ANXA6: variants seen among roughly 807,000 people sequenced by gnomAD.
ANXA6 encodes annexin A6.
In ANXA6, 71 loss-of-function variants were observed where a neutral mutation model predicts 95.4. That is an observed-to-expected ratio of 0.74 (90% confidence interval 0.61 to 0.91). ANXA6 has a LOEUF of 0.91. Ranked by LOEUF, ANXA6 falls within the 40% of genes least tolerant of loss-of-function variation. ANXA6 has a pLI of 0.00. For missense variants in ANXA6, 830 were observed against 876.4 expected (o/e 0.95, Z 0.67); for synonymous variants, 289 against 315.9 (o/e 0.91, Z 0.90).
At chr5:151,105,217 G>C in intron 24 of ANXA6, 28 bp downstream of exon 24, 1 of 1,606,896 alleles carries the variant, frequency 6.2e-7, no homozygotes, top group Non-Finnish European at 8.5e-7. Flanking sequence ...GTGCTTGAAG[G>C]GAAAGGAACG....
At chr5:151,128,531 T>C (rs1765396506) in intron 12 of ANXA6, among the ~76,000 whole-genome samples, 1 of 152,184 alleles carries the variant, frequency 6.6e-6, no homozygotes, top group African/African-American at 2.4e-5. Context: ...TGAGAAGAGA[T>C]GCTCGCTGCC....
Position 151,103,569 on chromosome 5 carries a change from C to CCT in ANXA6, c.1961_1962dup (p.Gly655ArgfsTer9), listed in dbSNP as rs772069737. ...TGCTAACCTCTAGCCCCTCCCCTTA[C>CCT]CTCAATGGCTTGGTGGAGAGACTTG... On this transcript the variant is annotated frameshift_variant and splice_region_variant. Transcript: ENST00000354546. LOFTEE classifies it high-confidence loss of function. The CCT allele has an allele frequency of 6.2e-7, 1 of 1,612,476 alleles. No individual in the cohort carries two copies. Among genetic ancestry groups the CCT allele is most frequent in the Admixed American group, 1.7e-5 (1 of 59,838 alleles).
At chr5:151,129,069 C>A (rs532233396) in intron 12 of ANXA6, among the ~76,000 whole-genome samples, 5 of 152,356 alleles carry the variant, frequency 3.3e-5, no homozygotes, top group African/African-American at 1.2e-4. Flanking sequence ...CCCCTTTAAC[C>A]CTCATTTGTG....
At chr5:151,144,990 G>A (rs151079797) in intron 2 of ANXA6, among the ~76,000 whole-genome samples, 29 of 152,192 alleles carry the variant, frequency 1.9e-4, no homozygotes, top group African/African-American at 6.0e-4. Context: ...ATCTCTAAGC[G>A]CCACCTGTGC....
intron 1 of ANXA6, 100 bp from the exon 2 acceptor site, chr5:151,148,026 A>G: frequency 8.2e-7 from 1 of 1,225,434 alleles, no homozygotes; most frequent in East Asian, 2.6e-5. Context: ...AGCTGCCCCC[A>G]GCCCTTCAGG....
intron 13 of ANXA6, among the ~76,000 whole-genome samples, chr5:151,127,685 C>G (rs1276179828): frequency 6.6e-6 from 1 of 152,200 alleles, no homozygotes; most frequent in East Asian, 1.9e-4. Context: ...CCAGTTCTCC[C>G]CAGCACAGGA....
At chr5:151,146,050 T>G (rs1765967741) in intron 2 of ANXA6, among the ~76,000 whole-genome samples, 1 of 151,738 alleles carries the variant, frequency 6.6e-6, no homozygotes, top group South Asian at 2.1e-4. Flanking sequence ...AGGAGGAGGG[T>G]TCCCTAAGGC....
chr5:151,136,804 A>AG (rs1765676047), intron 6 of ANXA6, among the ~76,000 whole-genome samples: 1 of 152,152 alleles, frequency 6.6e-6, no homozygotes, highest in African/African-American at 2.4e-5. Context: ...TTTCTATTTC[A>AG]GGGCCTTTGC....
At chr5:151,110,785 C>G (rs1193358032) in intron 20 of ANXA6, 141 bp from the exon 21 acceptor site, 3 of 824,618 alleles carry the variant, frequency 3.6e-6, no homozygotes, top group East Asian at 2.7e-5. Flanking sequence ...CCTGAGAGAA[C>G]CCGGGATGCG....
intron 22 of ANXA6, among the ~76,000 whole-genome samples, 186 bp downstream of exon 22, chr5:151,109,567 G>A (rs1581978822): frequency 6.6e-6 from 1 of 152,186 alleles, no homozygotes; most frequent in South Asian, 2.1e-4. Flanking sequence ...AGAAGGTGAG[G>A]TATAAGTGGT....
At chr5:151,113,607 TTCAAAGCATCTTTAAGATAATA>T (rs1764914603) in intron 20 of ANXA6, among the ~76,000 whole-genome samples, 1 of 152,158 alleles carries the variant, frequency 6.6e-6, no homozygotes, top group African/African-American at 2.4e-5. Flanking sequence ...TACTCGGTTT[TTCAAAGCATCTTTAAGATAATA>T]ATATCTGTAA....
intron 13 of ANXA6, 57 bp downstream of exon 13, chr5:151,128,124 T>A (rs1765380536): frequency 6.9e-7 from 1 of 1,456,108 alleles, no homozygotes; most frequent in African/African-American, 1.4e-5. Flanking sequence ...GCCAGGAGAG[T>A]CCCCGCCTGG....
intron 13 of ANXA6, among the ~76,000 whole-genome samples, chr5:151,126,873 C>T (rs985291114): frequency 3.9e-5 from 6 of 152,188 alleles, no homozygotes; most frequent in African/African-American, 9.7e-5. Flanking sequence ...CCCGCCATCA[C>T]GCCTGGCTAA....
chr5:151,136,716 C>A (rs1765673918), intron 6 of ANXA6, among the ~76,000 whole-genome samples: 1 of 152,218 alleles, frequency 6.6e-6, no homozygotes, highest in Non-Finnish European at 1.5e-5. Context: ...AAAACACCAT[C>A]TCTCTCTTGG....
chr5:151,119,311 G>A lies in ANXA6; in HGVS notation c.1427C>T (p.Ala476Val). 1 of 1,613,148 alleles carries A rather than the reference G, an allele frequency of 6.2e-7. No individual in the cohort carries two copies. Among genetic ancestry groups the A allele is most frequent in the Non-Finnish European group, 8.5e-7 (1 of 1,179,802 alleles). Reference protein sequence around the residue: ...TNAEIRAINEAYKEDYHKSLE... With the variant: ...TNAEIRAINEVYKEDYHKSLE... ...CCTCCCAAACTCACCCTCCTTATAG[G>A]CCTCATTGATGGCCCGGATTTCAGC... The change falls in exon 18 of 26, where the codon GCC becomes GTC. Residue 476 changes from alanine (A) to valine (V), a missense_variant. Ala to Val is a moderately conservative substitution (Grantham distance 64). Coordinates refer to ENST00000354546, the MANE Select transcript of ANXA6 (RefSeq NM_001155.5).
intron 6 of ANXA6, 109 bp downstream of exon 6, chr5:151,137,122 G>C (rs1765685221): frequency 6.5e-6 from 6 of 921,916 alleles, no homozygotes; most frequent in African/African-American, 1.7e-5. Context: ...AAATGGATCA[G>C]AGGAAAGGAG....
intron 8 of ANXA6, among the ~76,000 whole-genome samples, chr5:151,133,827 T>C (rs1765584791): frequency 6.6e-6 from 1 of 152,158 alleles, no homozygotes. Context: ...CAGTTCTATT[T>C]CCCTCCTTTC....
chr5:151,105,957 C>A (rs1266872168), intron 23 of ANXA6, among the ~76,000 whole-genome samples: 1 of 152,180 alleles, frequency 6.6e-6, no homozygotes, highest in Non-Finnish European at 1.5e-5. Flanking sequence ...AACCTAACAG[C>A]ACTGAAAGCC....
rs531316734 is a variant in ANXA6, at chr5:151,108,333, G to A, written c.1780+122C>T. The A allele has an allele frequency of 3.0e-5, 27 of 889,356 alleles. No individual in the cohort carries two copies. The East Asian group carries it at 3.9e-4, about 13-fold the overall frequency. 55.1% of individuals were successfully genotyped at this position (889,356 alleles called of 1,614,324 possible). On this transcript the variant is annotated intron_variant, in intron 23 of 25. Coordinates refer to ENST00000354546, the MANE Select transcript of ANXA6 (RefSeq NM_001155.5). ...CACACATTTGGCAGCACCCCTGGAG[G>A]CGAACTGTGACAGTGTTTACTTTCC...
Sources: allele counts gnomAD v4.1 joint callset (sites outside exome capture counted in the v4.1 genomes callset), GRCh38; gene constraint gnomAD v4.1.1; transcripts MANE v1.5; gene names NCBI Gene and HGNC (gene_info 2026-07-23, HGNC 2026-07-21).